The following MBD2 variants were observed in gnomAD, a reference collection of about 807,000 sequenced individuals.
MBD2 encodes methyl-CpG-binding domain protein 2.
In MBD2, 9 loss-of-function variants were observed where a neutral mutation model predicts 39.3. That is an observed-to-expected ratio of 0.23 (90% CI 0.14 to 0.40). The LOEUF is 0.40. MBD2 is among the 10% of genes least tolerant of loss of function. The probability of loss-of-function intolerance (pLI) is 1.00; values close to 1 mark genes in which losing one functional copy is unlikely to be tolerated. For missense variants in MBD2, 458 were observed against 532.6 expected, an observed-to-expected ratio of 0.86 and a Z score of 1.38; for synonymous variants, 233 against 211.1, an observed-to-expected ratio of 1.10 and a Z score of -0.90.
intron 6 of MBD2, among the ~76,000 whole-genome samples, chr18:54,158,095 G>A (rs2086066998): frequency 6.6e-6 from 1 of 152,108 alleles, no homozygotes; most frequent in Non-Finnish European, 1.5e-5. Flanking sequence ...TGACTCTTCA[G>A]TGATTCCTGC....
At chr18:54,189,223 C>CTT (rs369129707) in intron 2 of MBD2, among the ~76,000 whole-genome samples, 2,412 of 133,912 alleles carry the variant, frequency 0.018, 51 homozygotes, top group Non-Finnish European at 0.026. Context: ...TTTTTGTATA[C>CTT]TTTTTTTTTT....
intron 3 of MBD2, among the ~76,000 whole-genome samples, chr18:54,174,818 T>C (rs1013138475): frequency 1.3e-5 from 2 of 152,226 alleles, no homozygotes; most frequent in African/African-American, 2.4e-5. Context: ...AGAGAGATTT[T>C]AGATTTTAGA....
rs759097721 is a variant in MBD2 at position 54,224,182 on chromosome 18, C to A, written c.378G>T (p.Pro126=). 4.0e-6 allele frequency: 5 copies of A among 1,245,464 alleles called. No homozygotes were observed. The South Asian group carries it at 1.4e-4, about 34-fold the overall frequency. The allele number at this position is 1,245,464 out of a possible 1,614,324, so 77.2% of individuals were successfully genotyped here. Reference sequence around the variant, plus strand: ...CCGCGCTCCCCGACGGGAAAGGGACCGGCTCCCGCCGGGGGGCGCCGCCGC... The same window carrying A: ...CCGCGCTCCCCGACGGGAAAGGGACAGGCTCCCGCCGGGGGGCGCCGCCGC... ...SGGGGAPRRE[P]VPFPSGSAGP... is the part of the protein sequence containing the mutation. The change falls in exon 1 of 7, where the codon CCG becomes CCT. Residue 126 remains proline, a synonymous_variant. Coordinates refer to ENST00000256429, the MANE Select transcript of MBD2 (RefSeq NM_003927.5).
intron 3 of MBD2, chr18:54,187,949 G>A (rs1254263811): frequency 9.1e-6 from 6 of 660,466 alleles, no homozygotes; most frequent in Admixed American, 6.3e-5. Context: ...GTCTGGAGAT[G>A]AGACACTTGA....
rs772661777 is a variant in MBD2 at position 54,224,153 on chromosome 18, G to A, written c.407C>T (p.Pro136Leu). 3 of 1,461,582 alleles carry A rather than the reference G, an allele frequency of 2.1e-6. No homozygotes were observed. The highest frequency in any genetic ancestry group is 2.9e-5 in the African/African-American group (2 of 69,422). The allele number at this position is 1,461,582 out of a possible 1,614,324, so 90.5% of individuals were successfully genotyped here. The change falls in exon 1 of 7, where the codon CCG (proline) becomes CTG (leucine). Residue 136 changes from proline to leucine, a missense_variant. Coordinates refer to ENST00000256429, the MANE Select transcript of MBD2 (RefSeq NM_003927.5). Reference sequence around the variant, plus strand: ...CGTGGCCCGGGGTCCCCTGGGCCCCGGCCCCGCGCTCCCCGACGGGAAAGG... The same window carrying A: ...CGTGGCCCGGGGTCCCCTGGGCCCCAGCCCCGCGCTCCCCGACGGGAAAGG... ...PVPFPSGSAG[P>L]GPRGPRATES... is the part of the protein sequence containing the mutation.
intron 4 of MBD2, 151 bp from the exon 5 acceptor site, chr18:54,164,851 C>T (rs2086120122): frequency 1.8e-6 from 1 of 559,532 alleles, no homozygotes; most frequent in East Asian, 2.8e-5. Flanking sequence ...AATATATCTA[C>T]TTAATAGATA....
chr18:54,223,906 T>G, intron 1 of MBD2, 112 bp downstream of exon 1: 2 of 882,828 alleles, frequency 2.3e-6, no homozygotes, highest in Non-Finnish European at 3.3e-6. Flanking sequence ...CAAACCAGCC[T>G]GTCCCTGCCA....
intron 2 of MBD2, among the ~76,000 whole-genome samples, chr18:54,201,302 A>G (rs1383066692): frequency 1.3e-5 from 2 of 152,152 alleles, no homozygotes; most frequent in African/African-American, 2.4e-5. Flanking sequence ...CATTAACCTA[A>G]TGGAATATCT....
At position 54,196,612 on chromosome 18, in the gene MBD2, A is replaced by G. The variant is rs113396741; in HGVS notation, c.703-7601T>C. The stretch of plus-strand genomic sequence containing the variant: ...GGGCTTAATTCTATTGCTGACCTGG[A>G]GTCTGCAAGTTAGGTTAACTCTTCA... On this transcript the variant is annotated intron_variant, in intron 2 of 6. Transcript: ENST00000256429. Among the ~76,000 whole-genome samples, 698 of 142,150 alleles carry G rather than the reference A, an allele frequency of 4.9e-3. 9 individuals are homozygous for G. The highest frequency in any genetic ancestry group is 0.016 in the African/African-American group (655 of 40,546). The allele number at this position is 142,150 out of a possible 152,430, so 93.3% of individuals were successfully genotyped here.
At chr18:54,164,779 T>C in intron 4 of MBD2, 79 bp from the exon 5 acceptor site, 3 of 1,119,194 alleles carry the variant, frequency 2.7e-6, no homozygotes, top group Non-Finnish European at 3.9e-6. Flanking sequence ...AAACAACTGA[T>C]ATTTTTATAT....
Position 54,221,186 on chromosome 18 carries a change from G to A in MBD2, c.542+2832C>T, listed in dbSNP as rs112220822. 4.6e-3 allele frequency among the ~76,000 whole-genome samples: 704 copies of A among 152,242 alleles called. 9 individuals are homozygous for A. The highest frequency in any genetic ancestry group is 0.016 in the African/African-American group (660 of 41,546). On this transcript the variant is annotated intron_variant, in intron 1 of 6. Coordinates refer to ENST00000256429, the MANE Select transcript of MBD2 (RefSeq NM_003927.5). Reference sequence around the variant, plus strand: ...AATTGATCATATCGGGGCCGGGCGCGATGGCTCACACCTGTAATCCCAGCA... The same window carrying A: ...AATTGATCATATCGGGGCCGGGCGCAATGGCTCACACCTGTAATCCCAGCA...
chr18:54,152,772 A>T lies in MBD2; in HGVS notation c.*2552T>A, dbSNP rs1464708026. ...CCCACTATGTGCCAGGCACTGTGCT[A>T]CACACTTTAGAAACAGTCTATCTCA... On this transcript the variant is annotated 3_prime_UTR_variant, in exon 7 of 7. Transcript: ENST00000256429. The T allele has an allele frequency of 2.0e-5, 3 of 152,218 alleles. No homozygotes were observed. The highest frequency in any genetic ancestry group is 7.2e-5 in the African/African-American group (3 of 41,452). 9.4% of individuals were successfully genotyped at this position (152,218 alleles called of 1,614,324 possible).
chr18:54,175,459 A>G (rs116061689), intron 3 of MBD2, among the ~76,000 whole-genome samples: 2,655 of 152,242 alleles, frequency 0.017, 79 homozygotes, highest in African/African-American at 0.061. Flanking sequence ...GCTCCTGATC[A>G]CATCTTCTAC....
rs1424668530 is a variant in MBD2 at position 54,188,953 on chromosome 18, T to C, written c.761A>G (p.Gln254Arg). ...PIRQTASIFKQPVTKVTNHPS... is the reference protein window; with the variant it reads ...PIRQTASIFKRPVTKVTNHPS... ...ATGATTTGTGACTTTGGTTACCGGT[T>C]GTTTGAAAATTGATGCTGTTTGTCT... Residue 254 changes from glutamine (Q) to arginine (R), a missense_variant, in exon 3 of 7, where the codon CAA becomes CGA. By Grantham distance (43) the Gln-to-Arg change is conservative (BLOSUM62 1). Around this residue, in one of 2 missense-constraint regions of MBD2, gnomAD observed 189 missense variants for 296.6 expected, o/e 0.64. Transcript: ENST00000256429. 1 of 1,610,596 alleles carries C rather than the reference T, an allele frequency of 6.2e-7. No individual in the cohort carries two copies. The highest frequency in any genetic ancestry group is 8.5e-7 in the Non-Finnish European group (1 of 1,177,724).
intron 1 of MBD2, chr18:54,222,268 T>A (rs1468941951): frequency 8.8e-6 from 4 of 455,084 alleles, no homozygotes; most frequent in South Asian, 6.3e-5. Flanking sequence ...AATAACCTTT[T>A]TTTTTAATCA....
chr18:54,182,203 A>G (rs1410445879), intron 3 of MBD2, among the ~76,000 whole-genome samples: 1 of 152,246 alleles, frequency 6.6e-6, no homozygotes, highest in Non-Finnish European at 1.5e-5. Context: ...ACTAATTTAC[A>G]TATTAAGCAC....
intron 1 of MBD2, among the ~76,000 whole-genome samples, chr18:54,220,053 A>C (rs945544149): frequency 1.3e-5 from 2 of 152,178 alleles, no homozygotes; most frequent in Admixed American, 6.5e-5. Flanking sequence ...CACCCGCCTC[A>C]GCCTCCCAAA....
At chr18:54,160,713 C>T (rs1039237114) in intron 5 of MBD2, among the ~76,000 whole-genome samples, 3 of 148,220 alleles carry the variant, frequency 2.0e-5, no homozygotes, top group Non-Finnish European at 4.5e-5. Context: ...ATTCCTAATA[C>T]GTGTCTAGCA....
In MBD2 at chr18:54,200,312, A is replaced by G. The variant is rs993946543; in HGVS notation, c.702+4686T>C. ...TGTAGAATATGTCATATGTCACATT[A>G]AATTAATGTTAGGGAACTTGAATTT... is the stretch of plus-strand genomic sequence containing the variant. On this transcript the variant is annotated intron_variant, in intron 2 of 6. Transcript: ENST00000256429. Among the ~76,000 whole-genome samples, 47 of 152,354 alleles carry G rather than the reference A, an allele frequency of 3.1e-4. 1 individual carries two copies. The highest frequency in any genetic ancestry group is 1.1e-3 in the African/African-American group (46 of 41,586).
Sources: allele counts gnomAD v4.1 joint callset (sites outside exome capture counted in the v4.1 genomes callset), GRCh38; gene constraint gnomAD v4.1.1; regional missense constraint gnomAD v4.1.1; transcripts MANE v1.5; gene names NCBI Gene and HGNC (gene_info 2026-07-23, HGNC 2026-07-21).